SAT1: variants seen among roughly 807,000 people sequenced by gnomAD.
SAT1 encodes diamine acetyltransferase 1.
SAT1 carries 1 observed loss-of-function variant against 14.7 expected under a neutral mutation model. The ratio of observed to expected loss-of-function variants is 0.07; its 90% CI spans 0.02 to 0.32. The LOEUF is 0.32. SAT1 is among the 10% of genes least tolerant of loss of function. The pLI, the probability that SAT1 is intolerant of heterozygous loss-of-function variation, is 1.00. For missense variants in SAT1, 77 were observed against 129.1 expected, an observed-to-expected ratio of 0.60 and a Z score of 1.96; for synonymous variants, 67 against 46.1, an observed-to-expected ratio of 1.45 and a Z score of -1.84.
In SAT1 at chrX:23,783,676, T is replaced by G. The variant is rs868263851; in HGVS notation, c.85T>G (p.Tyr29Asp). 1 of 1,198,280 alleles carries G rather than the reference T, an allele frequency of 8.3e-7. No individual in the cohort carries two copies. The highest frequency in any genetic ancestry group is 1.1e-6 in the Non-Finnish European group (1 of 888,666). The change falls in exon 2 of 6, where the codon TAC becomes GAC. Residue 29 changes from tyrosine to aspartate, a missense_variant. Transcript: ENST00000379270. ...CCCCCAGGAGCTGGCTAAATATGAA[T>G]ACATGGAAGAACAAGTAATCTTAAC... ...RLIKELAKYE[Y>D]MEEQVILTEK... is the part of the protein sequence containing the mutation.
At position 23,783,790 on chromosome X, in the gene SAT1, C is replaced by T; in HGVS notation, c.119-10C>T. 2 of 1,211,969 alleles carry T rather than the reference C, an allele frequency of 1.7e-6. No individual in the cohort carries two copies. The highest frequency in any genetic ancestry group is 2.2e-6 in the Non-Finnish European group (2 of 895,485). On this transcript the variant is annotated splice_polypyrimidine_tract_variant and intron_variant, in intron 2 of 5. Transcript: ENST00000379270. ...AAGGCCATTACCGCCCCTGCTCCCC[C>T]TTCTTGCAGATCTGCTAGAAGATGG...
At position 23,784,081 on chromosome X, in the gene SAT1, G is replaced by A; in HGVS notation, c.202+198G>A. The A allele has an allele frequency of 2.7e-6, 3 of 1,106,767 alleles. No individual in the cohort carries two copies. In the South Asian group the frequency reaches 6.9e-5, roughly 26 times the overall value. 91.2% of individuals were successfully genotyped at this position (1,106,767 alleles called of 1,213,427 possible). Reference sequence around the variant, plus strand: ...TTAAGAATACTAGGGCAGGTTAAAAGAGCTGTTTAAGTAAGTATCAGAGTG... The same window carrying A: ...TTAAGAATACTAGGGCAGGTTAAAAAAGCTGTTTAAGTAAGTATCAGAGTG... On this transcript the variant is annotated intron_variant, in intron 3 of 5. Coordinates refer to ENST00000379270, the MANE Select transcript of SAT1 (RefSeq NM_002970.4).
chrX:23,785,451 A>T (rs1317408232), intron 4 of SAT1, 22 bp downstream of exon 4: 1 of 1,154,987 alleles, frequency 8.7e-7, no homozygotes, highest in African/African-American at 1.8e-5. Flanking sequence ...TTCGGAGCAG[A>T]GGGTCTGAAG....
intron 3 of SAT1, 43 bp downstream of exon 3, chrX:23,783,926 A>G: frequency 8.3e-7 from 1 of 1,211,591 alleles, no homozygotes; most frequent in South Asian, 1.8e-5. Flanking sequence ...ACCAAGTGTT[A>G]TGTAAGAAGT....
At chrX:23,783,612 C>T (rs1459435138) in intron 1 of SAT1, 46 bp from the exon 2 acceptor site, 12 of 1,098,042 alleles carry the variant, frequency 1.1e-5, no homozygotes, top group African/African-American at 1.9e-5. Flanking sequence ...GGGCCGGAGC[C>T]TCATTTTGTT....
chrX:23,783,306 A>G lies in SAT1; in HGVS notation c.-46A>G. ...AGGAACCACCTCCTCCTACTGTTCAAGTACAGGGGCCTGGTCCGCAAAGGG... is the reference window on the plus strand; with the variant it reads ...AGGAACCACCTCCTCCTACTGTTCAGGTACAGGGGCCTGGTCCGCAAAGGG... On this transcript the variant is annotated 5_prime_UTR_variant, in exon 1 of 6. Coordinates refer to ENST00000379270, the MANE Select transcript of SAT1 (RefSeq NM_002970.4). 1 of 1,156,808 alleles carries G rather than the reference A, an allele frequency of 8.6e-7. No homozygotes were observed. The highest frequency in any genetic ancestry group is 1.2e-6 in the Non-Finnish European group (1 of 846,445).
intron 1 of SAT1, 115 bp downstream of exon 1, chrX:23,783,532 C>T (rs1476203648): frequency 5.1e-5 from 48 of 933,108 alleles, no homozygotes; most frequent in Non-Finnish European, 6.9e-5. Flanking sequence ...GCCTGTTCCC[C>T]TTTCTGCGCC....
rs1048226746 is a variant in SAT1 at position 23,783,579 on chromosome X, C to A, written c.67-79C>A. On this transcript the variant is annotated intron_variant, in intron 1 of 5. Transcript: ENST00000379270. ...CGGCCGCCACCCCGCCCGCCCGCCC[C>A]ATTCCGTTCCCCTGAGCTGGCCGGG... The A allele has an allele frequency of 3.9e-6, 3 of 768,074 alleles. No homozygotes were observed. In the African/African-American group the frequency reaches 6.3e-5, roughly 16 times the overall value. 63.3% of individuals were successfully genotyped at this position (768,074 alleles called of 1,213,427 possible). A position where few individuals can be genotyped will look rare whatever the true frequency, so the allele number is the denominator to read the frequency against.
rs145980431 is a variant in SAT1, at chrX:23,783,385, G to A, written c.34G>A (p.Ala12Thr). ...ATTCGTGATCCGCCCAGCCACTGCCGCCGACTGCAGTGACATACTGCGGCT... is the reference window on the plus strand; with the variant it reads ...ATTCGTGATCCGCCCAGCCACTGCCACCGACTGCAGTGACATACTGCGGCT... The part of the protein sequence containing the change: ...AKFVIRPATA[A>T]DCSDILRLIK... The change falls in exon 1 of 6, where the codon GCC becomes ACC. Residue 12 changes from alanine to threonine, a missense_variant. Ala to Thr is a moderately conservative substitution (Grantham distance 58, BLOSUM62 0). Coordinates refer to ENST00000379270, the MANE Select transcript of SAT1 (RefSeq NM_002970.4). 555 of 1,209,304 alleles carry A rather than the reference G, an allele frequency of 4.6e-4. No individual in the cohort carries two copies. Among genetic ancestry groups the A allele is most frequent in the Non-Finnish European group, 5.7e-4 (511 of 894,457 alleles).
At position 23,783,402 on chromosome X, in the gene SAT1, A is replaced by C. The variant is rs149732167; in HGVS notation, c.51A>C (p.Ile17=). 2.5e-6 allele frequency: 3 copies of C among 1,209,789 alleles called. No homozygotes were observed. Among genetic ancestry groups the C allele is most frequent in the Non-Finnish European group, 3.4e-6 (3 of 893,837 alleles). ...RPATAADCSD[I]LRLIKELAKY... ...CCACTGCCGCCGACTGCAGTGACATACTGCGGCTGATCAAGGTAGCGGAGA... is the reference window on the plus strand; with the variant it reads ...CCACTGCCGCCGACTGCAGTGACATCCTGCGGCTGATCAAGGTAGCGGAGA... The change falls in exon 1 of 6, where the codon ATA becomes ATC. Residue 17 remains isoleucine, a synonymous_variant. Transcript: ENST00000379270.
At chrX:23,784,091 A>C (rs1800167519) in intron 3 of SAT1, 1 of 1,102,392 alleles carries the variant, frequency 9.1e-7, no homozygotes. Flanking sequence ...GAGCTGTTTA[A>C]GTAAGTATCA....
rs1347472893 is a variant in SAT1, at chrX:23,783,347, C to G, written c.-5C>G. 8.3e-7 allele frequency: 1 copy of G among 1,208,846 alleles called. No individual in the cohort carries two copies. Among genetic ancestry groups the G allele is most frequent in the Non-Finnish European group, 1.1e-6 (1 of 894,025 alleles). On this transcript the variant is annotated 5_prime_UTR_variant, in exon 1 of 6. Coordinates refer to ENST00000379270, the MANE Select transcript of SAT1 (RefSeq NM_002970.4). ...CCGCAAAGGGAAGAAAAGCAAAAGA[C>G]GAAAATGGCTAAATTCGTGATCCGC...
At chrX:23,784,175 G>T in intron 3 of SAT1, 1 of 918,719 alleles carries the variant, frequency 1.1e-6, no homozygotes, top group Non-Finnish European at 1.4e-6. Context: ...GGAAGAGTTA[G>T]ATATAATGTC....
chrX:23,785,264 C>G, intron 3 of SAT1, 64 bp from the exon 4 acceptor site: 1 of 834,560 alleles, frequency 1.2e-6, no homozygotes, highest in Non-Finnish European at 1.8e-6. Flanking sequence ...GCCTCTGATT[C>G]TGCAGCTGCA....
chrX:23,785,664 G>A (rs1367888367), intron 5 of SAT1, 22 bp from the exon 6 acceptor site: 1 of 1,200,898 alleles, frequency 8.3e-7, no homozygotes, highest in African/African-American at 1.8e-5. Context: ...CACTGAGTGT[G>A]TGTTTTACTC....
intron 3 of SAT1, 78 bp from the exon 4 acceptor site, chrX:23,785,250 A>G: frequency 2.8e-6 from 2 of 723,756 alleles, no homozygotes. Context: ...AAAACCTATG[A>G]TAGGCCTCTG....
intron 1 of SAT1, 79 bp from the exon 2 acceptor site, chrX:23,783,579 C>CCATACCAT: frequency 1.3e-6 from 1 of 770,315 alleles, no homozygotes; most frequent in Non-Finnish European, 1.9e-6. Context: ...CCGCCCGCCC[C>CCATACCAT]ATTCCGTTCC....
chrX:23,783,574 C>CCCCCCCAT, intron 1 of SAT1, 84 bp from the exon 2 acceptor site: 1 of 718,042 alleles, frequency 1.4e-6, no homozygotes, highest in Non-Finnish European at 2.0e-6. Flanking sequence ...CCCGCCCGCC[C>CCCCCCCAT]GCCCCATTCC....
At chrX:23,784,632 G>A (rs1392296981) in intron 3 of SAT1, 2 of 88,459 alleles carry the variant, frequency 2.3e-5, no homozygotes, top group East Asian at 7.3e-4. Context: ...CAGCTAAAAG[G>A]GGAAGTTGTC....
Sources: allele counts gnomAD v4.1 joint callset, GRCh38; gene constraint gnomAD v4.1.1; transcripts MANE v1.5; gene names NCBI Gene and HGNC (gene_info 2026-07-23, HGNC 2026-07-21).